Variants in GFRA1 observed in about 807,000 individuals in gnomAD.
GFRA1 encodes GDNF family receptor alpha 1.
GFRA1 carries 16 observed loss-of-function variants against 51.6 expected under a neutral mutation model. The observed-to-expected ratio is 0.31, with a 90% CI of 0.21 to 0.47. GFRA1 has a LOEUF of 0.47. GFRA1 is among the 20% of genes least tolerant of loss of function. The pLI is 1.00. For synonymous variants in GFRA1, 270 were observed against 241.3 expected, an observed-to-expected ratio of 1.12 and a Z score of -1.10; for missense variants, 530 against 594.3, an observed-to-expected ratio of 0.89 and a Z score of 1.13.
intron 6 of GFRA1, among the ~76,000 whole-genome samples, chr10:116,123,753 G>A (rs942291914): frequency 6.6e-6 from 1 of 152,128 alleles, no homozygotes; most frequent in South Asian, 2.1e-4. Flanking sequence ...TACCTGCTTC[G>A]ATCAGCAATT....
At chr10:116,218,008 C>G (rs879436770) in intron 4 of GFRA1, among the ~76,000 whole-genome samples, 6 of 152,090 alleles carry the variant, frequency 3.9e-5, no homozygotes, top group Non-Finnish European at 5.9e-5. Context: ...TCTTGTCATC[C>G]TGTAGCTATA....
chr10:116,269,801 T>C (rs961753569), intron 3 of GFRA1, among the ~76,000 whole-genome samples: 1 of 152,170 alleles, frequency 6.6e-6, no homozygotes, highest in East Asian at 1.9e-4. Flanking sequence ...CATGAAAATA[T>C]TGGAGAACAA....
intron 5 of GFRA1, among the ~76,000 whole-genome samples, chr10:116,181,669 A>G (rs1962236981): frequency 1.3e-5 from 2 of 151,348 alleles, no homozygotes; most frequent in Admixed American, 6.6e-5. Flanking sequence ...ACAGAGTCTC[A>G]CTGTATCACC....
intron 6 of GFRA1, among the ~76,000 whole-genome samples, chr10:116,111,203 C>T (rs909467706): frequency 1.3e-5 from 2 of 152,180 alleles, no homozygotes; most frequent in African/African-American, 2.4e-5. Flanking sequence ...CTGTGTTTTG[C>T]TTTGCATTTT....
chr10:116,128,856 T>C (rs748819280), intron 5 of GFRA1, among the ~76,000 whole-genome samples: 1 of 62,884 alleles, frequency 1.6e-5, no homozygotes, highest in African/African-American at 4.8e-5. Context: ...AAAAGCAATA[T>C]TTTTTTTAAA....
chr10:116,218,716 G>A (rs555931024), intron 4 of GFRA1, among the ~76,000 whole-genome samples: 7 of 152,300 alleles, frequency 4.6e-5, no homozygotes, highest in South Asian at 2.1e-4. Context: ...GCCCCGGTGA[G>A]CCTTGGTAAT....
chr10:116,166,930 G>A (rs1960509330), intron 5 of GFRA1, among the ~76,000 whole-genome samples: 1 of 151,464 alleles, frequency 6.6e-6, no homozygotes, highest in African/African-American at 2.4e-5. Flanking sequence ...CTCCCGAGTA[G>A]CTGGGACTAC....
intron 5 of GFRA1, among the ~76,000 whole-genome samples, chr10:116,137,431 C>A (rs1351497885): frequency 6.6e-6 from 1 of 152,088 alleles, no homozygotes; most frequent in Non-Finnish European, 1.5e-5. Flanking sequence ...AATTCAATGC[C>A]TTTCCTCCCA....
At chr10:116,147,972 ATTC>A (rs1259837501) in intron 5 of GFRA1, among the ~76,000 whole-genome samples, 2 of 150,768 alleles carry the variant, frequency 1.3e-5, no homozygotes. Context: ...GATAGTTGAG[ATTC>A]TTTTTACTGT....
intron 6 of GFRA1, 105 bp from the exon 7 acceptor site, chr10:116,096,869 GCACACGCACACGCACA>G: frequency 3.3e-5 from 2 of 59,730 alleles, no homozygotes; most frequent in Admixed American, 3.1e-4. Context: ...GCCTTTTTCT[GCACACGCACACGCACA>G]CACACACACA....
intron 5 of GFRA1, among the ~76,000 whole-genome samples, chr10:116,201,831 C>T (rs1565647666): frequency 2.0e-5 from 3 of 152,138 alleles, no homozygotes; most frequent in African/African-American, 4.8e-5. Flanking sequence ...CTCACCTCTG[C>T]CACCTACTCC....
chr10:116,197,023 G>A (rs1342028137), intron 5 of GFRA1, among the ~76,000 whole-genome samples: 1 of 151,180 alleles, frequency 6.6e-6, no homozygotes, highest in East Asian at 1.9e-4. Flanking sequence ...TTCTCTCCAT[G>A]TCCTCTCCTC....
chr10:116,075,232 TAGG>T (rs1386290519), intron 9 of GFRA1, among the ~76,000 whole-genome samples: 4 of 152,082 alleles, frequency 2.6e-5, no homozygotes, highest in Admixed American at 2.6e-4. Flanking sequence ...AAAAAGTGCT[TAGG>T]AGAAGACATC....
intron 5 of GFRA1, among the ~76,000 whole-genome samples, chr10:116,208,519 C>T (rs961200026): frequency 1.3e-5 from 2 of 152,134 alleles, no homozygotes; most frequent in African/African-American, 4.8e-5. Context: ...TCTCCATTAA[C>T]AAGATCCTGG....
intron 4 of GFRA1, among the ~76,000 whole-genome samples, chr10:116,213,782 AC>A (rs1258326469): frequency 2.0e-5 from 3 of 152,050 alleles, no homozygotes; most frequent in African/African-American, 7.2e-5. Flanking sequence ...GGCACACATG[AC>A]CCCACAGGGA....
chr10:116,150,413 T>C (rs750735626), intron 5 of GFRA1, among the ~76,000 whole-genome samples: 10 of 152,218 alleles, frequency 6.6e-5, no homozygotes, highest in Non-Finnish European at 1.2e-4. Flanking sequence ...TCCCGGTCAA[T>C]ATGTGATCTC....
chr10:116,119,979 G>A (rs1253116867), intron 6 of GFRA1, among the ~76,000 whole-genome samples: 1 of 152,226 alleles, frequency 6.6e-6, no homozygotes, highest in African/African-American at 2.4e-5. Context: ...CTGTTCTCCT[G>A]GAGCTGTGCC....
At chr10:116,094,342 G>A (rs1188800331) in intron 7 of GFRA1, among the ~76,000 whole-genome samples, 2 of 152,122 alleles carry the variant, frequency 1.3e-5, no homozygotes, top group African/African-American at 4.8e-5. Context: ...CATATATATG[G>A]GGTCTTCTCA....
At position 116,062,229 on chromosome 10, in the gene GFRA1, T is replaced by C. The variant is rs115468103; in HGVS notation, c.*2169A>G. 1,063 of 398,224 alleles carry C rather than the reference T, an allele frequency of 2.7e-3. 11 individuals are homozygous for C. The highest frequency in any genetic ancestry group is 0.019 in the African/African-American group (950 of 48,754). 24.7% of individuals were successfully genotyped at this position (398,224 alleles called of 1,614,324 possible). ...ACATAGAATCAGATCCCTATGAAAT[T>C]AGTCCAGTGTAGATACACAGAGATA... On this transcript the variant is annotated 3_prime_UTR_variant, in exon 11 of 11. Coordinates refer to ENST00000355422, the MANE Select transcript of GFRA1 (RefSeq NM_005264.8).
Sources: gnomAD v4.1 joint callset for allele counts (sites outside exome capture counted in the v4.1 genomes callset) on GRCh38, gnomAD v4.1.1 for gene constraint, MANE v1.5 for transcripts, NCBI Gene and HGNC (gene_info 2026-07-23, HGNC 2026-07-21) for gene names.